TM9SF2: variants seen among roughly 807,000 people sequenced by gnomAD.
TM9SF2 encodes transmembrane 9 superfamily member 2.
A neutral mutation model predicts 84.9 loss-of-function variants in TM9SF2; 13 were observed. The ratio of observed to expected loss-of-function variants is 0.15; its 90% CI spans 0.10 to 0.24. TM9SF2 has a LOEUF of 0.24. Among genes scored for constraint, TM9SF2 ranks in the 10% least tolerant of loss-of-function variants. The pLI, the probability that TM9SF2 is intolerant of heterozygous loss-of-function variation, is 1.00. For missense variants in TM9SF2, 562 were observed against 818.5 expected, an observed-to-expected ratio of 0.69 and a Z score of 3.82; for synonymous variants, 273 against 285.8, an observed-to-expected ratio of 0.96 and a Z score of 0.45.
chr13:99,520,762 G>A (rs2046155996), intron 3 of TM9SF2, among the ~76,000 whole-genome samples: 1 of 152,118 alleles, frequency 6.6e-6, no homozygotes, highest in South Asian at 2.1e-4. Context: ...TAGAGATGGG[G>A]TTCCAACATA....
chr13:99,526,749 T>C (rs774071403), intron 3 of TM9SF2, among the ~76,000 whole-genome samples: 122 of 152,216 alleles, frequency 8.0e-4, no homozygotes, highest in Middle Eastern at 3.4e-3. Context: ...ATCGTTGATA[T>C]AGATGTAATC....
At chr13:99,522,353 C>T (rs1023114585) in intron 3 of TM9SF2, among the ~76,000 whole-genome samples, 1 of 152,102 alleles carries the variant, frequency 6.6e-6, no homozygotes, top group African/African-American at 2.4e-5. Context: ...AATTGTCTAC[C>T]CTAAAATTGC....
chr13:99,507,356 T>C (rs1018197662), intron 1 of TM9SF2, among the ~76,000 whole-genome samples: 3 of 152,220 alleles, frequency 2.0e-5, no homozygotes, highest in Non-Finnish European at 4.4e-5. Context: ...ATCTATTATA[T>C]GTAATTTTCA....
At chr13:99,560,286 A>G (rs1456761938) in intron 16 of TM9SF2, among the ~76,000 whole-genome samples, 1 of 152,200 alleles carries the variant, frequency 6.6e-6, no homozygotes, top group Non-Finnish European at 1.5e-5. Context: ...TCCTCCAATT[A>G]AAACTGTTCT....
At chr13:99,525,702 C>T (rs2046179943) in intron 3 of TM9SF2, among the ~76,000 whole-genome samples, 2 of 151,860 alleles carry the variant, frequency 1.3e-5, no homozygotes, top group Non-Finnish European at 2.9e-5. Flanking sequence ...ACTATAGGCG[C>T]CCGCCACTAC....
At chr13:99,540,902 T>C in intron 8 of TM9SF2, 109 bp downstream of exon 8, 1 of 1,001,246 alleles carries the variant, frequency 1.0e-6, no homozygotes, top group Non-Finnish European at 1.5e-6. Flanking sequence ...AAGTCTGGCC[T>C]TGGGTTCAAA....
Position 99,501,537 on chromosome 13 carries a change from C to T in TM9SF2, c.-70C>T. On this transcript the variant is annotated 5_prime_UTR_variant, in exon 1 of 17. Transcript: ENST00000376387. ...ATCTCTGGCGGCCTTGTAGTCGTCT[C>T]CGAGACTCCCCACCCCTCCTTCCCT... 1 of 1,551,076 alleles carries T rather than the reference C, an allele frequency of 6.4e-7. No individual in the cohort carries two copies. The highest frequency in any genetic ancestry group is 2.3e-5 in the East Asian group (1 of 42,998).
chr13:99,540,594 A>G, intron 7 of TM9SF2, 120 bp from the exon 8 acceptor site: 1 of 647,100 alleles, frequency 1.5e-6, no homozygotes, highest in Non-Finnish European at 2.6e-6. Flanking sequence ...CCAAAGTTAG[A>G]TAATTTAGAA....
intron 12 of TM9SF2, 78 bp from the exon 13 acceptor site, chr13:99,552,086 TAGA>T (rs1333108326): frequency 7.6e-7 from 1 of 1,313,210 alleles, no homozygotes; most frequent in Non-Finnish European, 1.1e-6. Context: ...ATTAGAAACA[TAGA>T]AGTTGTCATA....
At chr13:99,553,438 A>G (rs2046313791) in intron 13 of TM9SF2, among the ~76,000 whole-genome samples, 1 of 152,264 alleles carries the variant, frequency 6.6e-6, no homozygotes, top group Non-Finnish European at 1.5e-5. Context: ...TTGATTAAAC[A>G]ATTACTTGAA....
intron 13 of TM9SF2, among the ~76,000 whole-genome samples, chr13:99,553,223 G>C (rs1365608130): frequency 6.6e-6 from 1 of 152,168 alleles, no homozygotes; most frequent in Non-Finnish European, 1.5e-5. Context: ...AAGTCCACAG[G>C]GTAAAAGAAA....
At chr13:99,547,133 TGATCAGGAAGGGA>T (rs1227974092) in intron 11 of TM9SF2, 29 bp downstream of exon 11, 2 of 1,612,826 alleles carry the variant, frequency 1.2e-6, no homozygotes, top group Non-Finnish European at 1.7e-6. Flanking sequence ...GACTGGCGTC[TGATCAGGAAGGGA>T]CTCTGCTGCG....
At chr13:99,523,407 A>G (rs894237796) in intron 3 of TM9SF2, among the ~76,000 whole-genome samples, 2 of 152,132 alleles carry the variant, frequency 1.3e-5, no homozygotes, top group African/African-American at 4.8e-5. Flanking sequence ...TGCCTTAGCC[A>G]CCCAAAGTTC....
At chr13:99,544,066 T>C in intron 10 of TM9SF2, 71 bp downstream of exon 10, 1 of 1,563,440 alleles carries the variant, frequency 6.4e-7, no homozygotes, top group South Asian at 1.2e-5. Context: ...AAACCAGTTT[T>C]TCTGGCCGGG....
At position 99,508,443 on chromosome 13, in the gene TM9SF2, A is replaced by C. The variant is rs192432546; in HGVS notation, c.171+6666A>C. On this transcript the variant is annotated intron_variant, in intron 1 of 16. Transcript: ENST00000376387. ...CACACACACACACACACACACACAC[A>C]CCCCAGAGATTCAGTAGCTACTCCA... Among the ~76,000 whole-genome samples, 959 of 147,550 alleles carry C rather than the reference A, an allele frequency of 6.5e-3. 6 individuals are homozygous for C. Among genetic ancestry groups the C allele is most frequent in the Middle Eastern group, 0.021 (6 of 288 alleles).
chr13:99,562,453 G>A (rs757277238), intron 16 of TM9SF2, among the ~76,000 whole-genome samples: 1 of 152,166 alleles, frequency 6.6e-6, no homozygotes. Flanking sequence ...AATGTGTATT[G>A]TAGAAAGCTT....
At chr13:99,530,074 T>A (rs1195782568) in intron 4 of TM9SF2, among the ~76,000 whole-genome samples, 6 of 145,274 alleles carry the variant, frequency 4.1e-5, no homozygotes, top group Middle Eastern at 3.5e-3. Context: ...AATACATTAT[T>A]GCTTACAAAA....
At chr13:99,530,439 A>G (rs1428106676) in intron 4 of TM9SF2, among the ~76,000 whole-genome samples, 1 of 152,382 alleles carries the variant, frequency 6.6e-6, no homozygotes, top group Middle Eastern at 3.4e-3. Flanking sequence ...TAAAAAAAAA[A>G]GAAAGAATGG....
At chr13:99,551,468 C>T (rs1386755687) in intron 12 of TM9SF2, among the ~76,000 whole-genome samples, 1 of 152,206 alleles carries the variant, frequency 6.6e-6, no homozygotes, top group Non-Finnish European at 1.5e-5. Flanking sequence ...CCAGGCGTAA[C>T]TACTGTGTGA....
Sources: allele counts gnomAD v4.1 joint callset (sites outside exome capture counted in the v4.1 genomes callset), GRCh38; gene constraint gnomAD v4.1.1; transcripts MANE v1.5; gene names NCBI Gene and HGNC (gene_info 2026-07-23, HGNC 2026-07-21).